LGI3: variants seen among roughly 807,000 people sequenced by gnomAD.
LGI3 encodes leucine-rich repeat LGI family member 3.
Under a neutral mutation model 55.4 loss-of-function variants are expected in LGI3, and 47 were observed. The ratio of observed to expected loss-of-function variants is 0.85; its 90% confidence interval spans 0.67 to 1.08. The LOEUF (loss-of-function observed/expected upper bound fraction) is 1.08, where lower values mean the gene tolerates loss of function less well. Ranked by LOEUF, LGI3 falls within the 50% of genes least tolerant of loss-of-function variation. The pLI is 0.00. For missense variants in LGI3, 664 were observed against 726.3 expected (o/e 0.91, Z 0.99); for synonymous variants, 326 against 315.0 (o/e 1.04, Z -0.37).
intron 1 of LGI3, 42 bp downstream of exon 1, chr8:22,156,295 C>A (rs774740405): frequency 6.2e-7 from 1 of 1,603,036 alleles, no homozygotes; most frequent in Non-Finnish European, 8.5e-7. Flanking sequence ...TCCTCGGCCT[C>A]CTCTCCCTCC....
chr8:22,156,249 G>T, intron 1 of LGI3, 88 bp downstream of exon 1: 2 of 1,388,614 alleles, frequency 1.4e-6, no homozygotes, highest in South Asian at 1.2e-5. Flanking sequence ...CTCTGAAGAG[G>T]GGGAGCGGGG....
At chr8:22,154,821 C>T (rs1381112919) in intron 2 of LGI3, 190 bp from the exon 3 acceptor site, 1 of 585,802 alleles carries the variant, frequency 1.7e-6, no homozygotes, top group African/African-American at 1.9e-5. Context: ...CCCAGAAGCT[C>T]CCAGGGTCCC....
chr8:22,154,113 T>A, intron 4 of LGI3, 29 bp downstream of exon 4: 3 of 1,612,374 alleles, frequency 1.9e-6, no homozygotes, highest in Non-Finnish European at 1.7e-6. Flanking sequence ...GGGGCTTTGG[T>A]GCAGTGTGTG....
rs866800584 is a variant in LGI3, at chr8:22,148,522, A to C, written c.1285T>G (p.Phe429Val). The C allele has an allele frequency of 6.2e-7, 1 of 1,613,588 alleles. No homozygotes were observed. The highest frequency in any genetic ancestry group is 8.5e-7 in the Non-Finnish European group (1 of 1,180,026). ...QVPDAQAVKH[F>V]RAGRDSYLCL... ...AGGTAGCTGTCGCGGCCGGCACGAA[A>C]GTGTTTCACAGCTTGGGCATCAGGC... The change falls in exon 8 of 8, where the codon TTT (phenylalanine) becomes GTT (valine). Residue 429 changes from phenylalanine (F) to valine (V), a missense_variant. Physicochemically the swap from Phe to Val is conservative, Grantham distance 50. Coordinates refer to ENST00000306317, the MANE Select transcript of LGI3 (RefSeq NM_139278.4). This position sits in a 1 kb window ranked among gnomAD's most constrained non-coding sequence, Gnocchi z 7.0.
At position 22,153,958 on chromosome 8, in the gene LGI3, C is replaced by T. The variant is rs1827450483; in HGVS notation, c.494+10G>A. The T allele has an allele frequency of 1.9e-6, 3 of 1,613,532 alleles. No homozygotes were observed. Among genetic ancestry groups the T allele is most frequent in the Non-Finnish European group, 1.7e-6 (2 of 1,179,766 alleles). ...CGGCACTGTTGGAAGAGGCAGGACT[C>T]AGGCCTTACAAGTCATTCAGGATGT... On this transcript the variant is annotated intron_variant, in intron 5 of 7. Coordinates refer to ENST00000306317, the MANE Select transcript of LGI3 (RefSeq NM_139278.4).
At chr8:22,156,310 C>A (rs776291956) in intron 1 of LGI3, 27 bp downstream of exon 1, 86 of 1,608,922 alleles carry the variant, frequency 5.3e-5, no homozygotes, top group Non-Finnish European at 6.4e-5. Flanking sequence ...CCCTCCCCAA[C>A]CCCCAAGGCC....
At position 22,147,946 on chromosome 8, in the gene LGI3, C is replaced by T. The variant is rs187794922; in HGVS notation, c.*214G>A. 7.2e-6 allele frequency: 4 copies of T among 553,294 alleles called. No homozygotes were observed. Among genetic ancestry groups the T allele is most frequent in the Non-Finnish European group, 1.3e-5 (4 of 314,170 alleles). The allele number at this position is 553,294 out of a possible 1,614,324, so 34.3% of individuals were successfully genotyped here. ...TCACGGGAACTGGGCGTTAGGTGTC[C>T]CAGGGGTGCCTGGTGTTCATGCTGA... On this transcript the variant is annotated 3_prime_UTR_variant, in exon 8 of 8. Transcript: ENST00000306317.
intron 5 of LGI3, among the ~76,000 whole-genome samples, 196 bp from the exon 6 acceptor site, chr8:22,152,196 G>C (rs1334003169): frequency 6.6e-6 from 1 of 152,232 alleles, no homozygotes; most frequent in Admixed American, 6.5e-5. Context: ...GGCCAGCAGA[G>C]TATGGAATCA....
In LGI3 at chr8:22,148,688, C is replaced by A. The variant is rs1340463885; in HGVS notation, c.1119G>T (p.Trp373Cys). 1 of 1,614,088 alleles carries A rather than the reference C, an allele frequency of 6.2e-7. No individual in the cohort carries two copies. Among genetic ancestry groups the A allele is most frequent in the Non-Finnish European group, 8.5e-7 (1 of 1,180,006 alleles). ...CAAACTCCAGGTCGGTGTCACGGTG[C>A]CAGGGGTGCAGTGCCTGGTGGGAGT... ...GFYSHQALHP[W>C]HRDTDLEFVD... Residue 373 changes from tryptophan (W) to cysteine (C), a missense_variant, in exon 8 of 8, where the codon TGG becomes TGT. Trp to Cys is a radical substitution (Grantham distance 215, BLOSUM62 -2). Transcript: ENST00000306317. This position sits in a 1 kb window ranked among gnomAD's most constrained non-coding sequence, Gnocchi z 7.0.
At chr8:22,155,844 C>T (rs1827486060) in intron 1 of LGI3, among the ~76,000 whole-genome samples, 2 of 152,258 alleles carry the variant, frequency 1.3e-5, no homozygotes, top group Admixed American at 1.3e-4. Flanking sequence ...TCTCTGGTCC[C>T]ACAGACAAGG....
At position 22,156,703 on chromosome 8, in the gene LGI3, C is replaced by T. The variant is rs1827513140; in HGVS notation, c.-161G>A. The T allele has an allele frequency of 4.3e-6, 1 of 233,142 alleles. No individual in the cohort carries two copies. Among genetic ancestry groups the T allele is most frequent in the Non-Finnish European group, 8.1e-6 (1 of 122,806 alleles). 14.4% of individuals were successfully genotyped at this position (233,142 alleles called of 1,614,324 possible). A position where few individuals can be genotyped will look rare whatever the true frequency, so the allele number is the denominator to read the frequency against. On this transcript the variant is annotated 5_prime_UTR_variant, in exon 1 of 8. Transcript: ENST00000306317. The stretch of plus-strand genomic sequence containing the variant: ...TCCTCCTGCCCTCGGGCGCCGGCTG[C>T]GGTCCCCTCCCCTGCTCGCTCCCGC...
At chr8:22,150,800 T>C (rs1052117017) in intron 7 of LGI3, among the ~76,000 whole-genome samples, 5 of 151,920 alleles carry the variant, frequency 3.3e-5, no homozygotes, top group African/African-American at 1.2e-4. Flanking sequence ...CCTTTTTCCA[T>C]GCAAGAAGCT....
In LGI3 at chr8:22,148,120, C is replaced by A; in HGVS notation, c.*40G>T. 6.6e-7 allele frequency: 1 copy of A among 1,508,134 alleles called. No homozygotes were observed. The highest frequency in any genetic ancestry group is 1.3e-5 in the South Asian group (1 of 76,312). 93.4% of individuals were successfully genotyped at this position (1,508,134 alleles called of 1,614,324 possible). A position where few individuals can be genotyped will look rare whatever the true frequency, so the allele number is the denominator to read the frequency against. ...GCTCACAGAGGCCCCCACCCATCCT[C>A]CAGTGGCCACCCTGAGGAGACCAGA... On this transcript the variant is annotated 3_prime_UTR_variant, in exon 8 of 8. Transcript: ENST00000306317. The surrounding 1 kb of genome is among the most constrained non-coding windows in gnomAD (Gnocchi z 7.0).
intron 3 of LGI3, 27 bp downstream of exon 3, chr8:22,154,533 C>T (rs1827461289): frequency 6.2e-7 from 1 of 1,607,736 alleles, no homozygotes; most frequent in South Asian, 1.1e-5. Context: ...CTTCTGCTTT[C>T]CCATTGCCCC....
At position 22,151,896 on chromosome 8, in the gene LGI3, G is replaced by A. The variant is rs1484754068; in HGVS notation, c.599C>T (p.Pro200Leu). ...CACCTTGTGCTCCTGGAAGCGGGGC[G>A]GGCTGGCGCAGTAGATGGGTGCCAC... is the stretch of plus-strand genomic sequence containing the variant. Reference protein sequence around the residue: ...TTVAPIYCASPPRFQEHKVQD... With the variant: ...TTVAPIYCASLPRFQEHKVQD... The change falls in exon 6 of 8, where the codon CCG (proline) becomes CTG (leucine). Residue 200 changes from proline (P) to leucine (L), a missense_variant. Pro to Leu is a moderately conservative substitution (Grantham distance 98). Coordinates refer to ENST00000306317, the MANE Select transcript of LGI3 (RefSeq NM_139278.4). 20 of 1,613,332 alleles carry A rather than the reference G, an allele frequency of 1.2e-5. No homozygotes were observed. The highest frequency in any genetic ancestry group is 1.3e-5 in the Non-Finnish European group (15 of 1,179,952).
intron 1 of LGI3, among the ~76,000 whole-genome samples, chr8:22,155,739 A>G (rs1002725348): frequency 6.6e-6 from 1 of 152,214 alleles, no homozygotes; most frequent in African/African-American, 2.4e-5. Flanking sequence ...CACCGTTGTC[A>G]TCATCATCCA....
At position 22,148,057 on chromosome 8, in the gene LGI3, G is replaced by T; in HGVS notation, c.*103C>A. 1.1e-6 allele frequency: 1 copy of T among 947,934 alleles called. No individual in the cohort carries two copies. Among genetic ancestry groups the T allele is most frequent in the Non-Finnish European group, 1.6e-6 (1 of 627,866 alleles). 58.7% of individuals were successfully genotyped at this position (947,934 alleles called of 1,614,324 possible). A position where few individuals can be genotyped will look rare whatever the true frequency, so the allele number is the denominator to read the frequency against. ...CGTGTGCGGATACAAGGGCATGAAT[G>T]CAGGTTGGTCGCTTGTCTTCACACA... On this transcript the variant is annotated 3_prime_UTR_variant, in exon 8 of 8. Transcript: ENST00000306317. The surrounding 1 kb of genome is among the most constrained non-coding windows in gnomAD (Gnocchi z 7.0).
intron 5 of LGI3, among the ~76,000 whole-genome samples, 155 bp from the exon 6 acceptor site, chr8:22,152,155 TG>T (rs1473777349): frequency 1.3e-5 from 2 of 152,236 alleles, no homozygotes. Flanking sequence ...AGTTTCCCTC[TG>T]GCTGGATGTA....
chr8:22,151,464 G>T, intron 7 of LGI3, 25 bp downstream of exon 7: 1 of 1,611,156 alleles, frequency 6.2e-7, no homozygotes. Context: ...GCAAGGGCCA[G>T]CAGAACCAGA....
Sources: allele counts gnomAD v4.1 joint callset (sites outside exome capture counted in the v4.1 genomes callset), GRCh38; gene constraint gnomAD v4.1.1; non-coding constraint Gnocchi (gnomAD v3.1); transcripts MANE v1.5; gene names NCBI Gene and HGNC (gene_info 2026-07-23, HGNC 2026-07-21).